The following GRM7 variants were observed in gnomAD, a reference collection of about 807,000 sequenced individuals.
GRM7 encodes the protein metabotropic glutamate receptor 7.
GRM7 carries 35 observed loss-of-function variants against 84.5 expected under a neutral mutation model. The ratio of observed to expected loss-of-function variants is 0.41; its 90% CI spans 0.32 to 0.55. The LOEUF is 0.55. Among genes scored for constraint, GRM7 ranks in the 20% least tolerant of loss-of-function variants. GRM7 has a pLI of 0.19. For synonymous variants in GRM7, 487 were observed against 455.1 expected (o/e 1.07, Z -0.89); for missense variants, 1,003 against 1,194.6 (o/e 0.84, Z 2.36).
intron 1 of GRM7, among the ~76,000 whole-genome samples, chr3:6,927,377 G>A (rs1291152905): frequency 3.3e-5 from 5 of 151,756 alleles, no homozygotes; most frequent in African/African-American, 9.7e-5. Flanking sequence ...GCAGTGAGCC[G>A]AGATCATGCC....
chr3:7,331,773 C>T (rs1030099310), intron 4 of GRM7, among the ~76,000 whole-genome samples: 8 of 152,110 alleles, frequency 5.3e-5, no homozygotes, highest in African/African-American at 1.9e-4. Context: ...GCCTCAATTT[C>T]CCCCTAGGTA....
At chr3:7,390,915 A>C (rs1694965488) in intron 4 of GRM7, among the ~76,000 whole-genome samples, 2 of 150,990 alleles carry the variant, frequency 1.3e-5, no homozygotes, top group East Asian at 3.9e-4. Context: ...GTGACAAAAC[A>C]CTCTGGCTAT....
rs563193280 is a variant in GRM7, at chr3:7,146,565, C to T, written c.633C>T (p.Asp211=). 7 of 1,613,942 alleles carry T rather than the reference C, an allele frequency of 4.3e-6. No homozygotes were observed. Among genetic ancestry groups the T allele is most frequent in the Middle Eastern group, 1.7e-4 (1 of 6,060 alleles). ...PDSFQAQAMV[D]IVKALGWNYV... The stretch of plus-strand genomic sequence containing the variant: ...CCTTCCAAGCCCAGGCCATGGTAGA[C>T]ATTGTAAAGGCCCTAGGCTGGAATT... The change falls in exon 2 of 10, where the codon GAC becomes GAT. Residue 211 remains aspartate (D), a synonymous_variant. Transcript: ENST00000357716.
chr3:7,285,519 A>G (rs1699401245), intron 2 of GRM7, among the ~76,000 whole-genome samples: 1 of 152,114 alleles, frequency 6.6e-6, no homozygotes, highest in African/African-American at 2.4e-5. Context: ...GCGCAAAATG[A>G]TAAATTATAA....
chr3:7,035,376 G>A (rs1201405413), intron 1 of GRM7, among the ~76,000 whole-genome samples: 1 of 152,124 alleles, frequency 6.6e-6, no homozygotes, highest in East Asian at 1.9e-4. Flanking sequence ...GGTCACGTGA[G>A]AGTAGGGAAA....
At chr3:7,325,274 C>T (rs1436674295) in intron 4 of GRM7, among the ~76,000 whole-genome samples, 1 of 151,984 alleles carries the variant, frequency 6.6e-6, no homozygotes, top group Non-Finnish European at 1.5e-5. Context: ...TCTTGTTTTA[C>T]CTAAAGGGAA....
chr3:7,033,521 A>G (rs1696266039), intron 1 of GRM7, among the ~76,000 whole-genome samples: 1 of 152,188 alleles, frequency 6.6e-6, no homozygotes, highest in Admixed American at 6.5e-5. Flanking sequence ...CATGCTCAAC[A>G]TATATATTCT....
At chr3:7,263,332 C>A (rs1421684111) in intron 2 of GRM7, among the ~76,000 whole-genome samples, 3 of 152,194 alleles carry the variant, frequency 2.0e-5, no homozygotes, top group African/African-American at 7.2e-5. Context: ...CCACTGGTCA[C>A]AACACTTAGA....
chr3:7,413,304 A>G (rs1210812248), intron 4 of GRM7, among the ~76,000 whole-genome samples: 3 of 152,230 alleles, frequency 2.0e-5, no homozygotes, highest in Non-Finnish European at 4.4e-5. Flanking sequence ...TTGTAAATAC[A>G]TGGCTACAAC....
chr3:6,864,006 G>A (rs1018894184), intron 1 of GRM7, among the ~76,000 whole-genome samples: 6 of 152,028 alleles, frequency 3.9e-5, no homozygotes, highest in African/African-American at 1.4e-4. Flanking sequence ...TGCTAGTGGT[G>A]AAAAAAGGGG....
At chr3:7,133,988 A>C (rs1693688389) in intron 1 of GRM7, among the ~76,000 whole-genome samples, 1 of 152,172 alleles carries the variant, frequency 6.6e-6, no homozygotes, top group African/African-American at 2.4e-5. Flanking sequence ...TGATCTCAGA[A>C]AGCCTCGTTA....
Position 7,592,571 on chromosome 3 carries a change from G to A in GRM7, c.2451+13214G>A, listed in dbSNP as rs375682733. On this transcript the variant is annotated intron_variant, in intron 8 of 9. Transcript: ENST00000357716. ...GCAGAATCAGACTGGACGACATGCA[G>A]AGCCTTTAAGGATTCTGGATGGAGG... Among the ~76,000 whole-genome samples the A allele has an allele frequency of 1.4e-3, 220 of 152,310 alleles. 1 individual carries two copies. The highest frequency in any genetic ancestry group is 4.8e-3 in the African/African-American group (199 of 41,574).
intron 4 of GRM7, among the ~76,000 whole-genome samples, chr3:7,311,775 A>G (rs1362219398): frequency 1.3e-5 from 2 of 151,968 alleles, no homozygotes; most frequent in Admixed American, 1.3e-4. Context: ...TTGTATTTTT[A>G]GTAGAGACAG....
intron 1 of GRM7, among the ~76,000 whole-genome samples, chr3:6,955,726 C>A (rs1035241682): frequency 5.3e-5 from 8 of 151,528 alleles, no homozygotes; most frequent in Non-Finnish European, 7.4e-5. Flanking sequence ...GCTGTAATCC[C>A]AGCCACTTGG....
At chr3:7,476,156 A>G (rs1399270331) in intron 7 of GRM7, among the ~76,000 whole-genome samples, 2 of 152,144 alleles carry the variant, frequency 1.3e-5, no homozygotes, top group African/African-American at 2.4e-5. Context: ...TCTACCAGTT[A>G]ACTTGCTTCC....
At chr3:7,267,954 A>G (rs1298672882) in intron 2 of GRM7, among the ~76,000 whole-genome samples, 1 of 152,122 alleles carries the variant, frequency 6.6e-6, no homozygotes, top group African/African-American at 2.4e-5. Context: ...TCAGTTTCAG[A>G]AGGCCCAGTT....
intron 1 of GRM7, among the ~76,000 whole-genome samples, chr3:6,999,496 C>T (rs1010924811): frequency 6.6e-6 from 1 of 152,106 alleles, no homozygotes; most frequent in African/African-American, 2.4e-5. Flanking sequence ...CTTCCACAAT[C>T]GGGTACCCTT....
intron 1 of GRM7, among the ~76,000 whole-genome samples, chr3:7,084,289 A>G (rs1174544922): frequency 1.3e-5 from 2 of 152,084 alleles, no homozygotes; most frequent in Non-Finnish European, 2.9e-5. Context: ...AGCTACAGCA[A>G]CATCACATGG....
chr3:7,077,288 G>A (rs936513754), intron 1 of GRM7, among the ~76,000 whole-genome samples: 1 of 152,156 alleles, frequency 6.6e-6, no homozygotes, highest in Non-Finnish European at 1.5e-5. Flanking sequence ...GTTTATTGCA[G>A]CACTGTTCAC....
Sources: gnomAD v4.1 joint callset for allele counts (sites outside exome capture counted in the v4.1 genomes callset) on GRCh38, gnomAD v4.1.1 for gene constraint, MANE v1.5 for transcripts, NCBI Gene and HGNC (gene_info 2026-07-23, HGNC 2026-07-21) for gene names.